The following RGR variants were observed in gnomAD, a reference collection of about 807,000 sequenced individuals.
RGR encodes RPE-retinal G protein-coupled receptor.
Under a neutral mutation model 28.6 loss-of-function variants are expected in RGR, and 30 were observed. The observed-to-expected ratio is 1.05, with a 90% CI of 0.78 to 1.42. The LOEUF is 1.42. Ranked by LOEUF, RGR falls within the 40% of genes most tolerant of loss-of-function variation. The probability of loss-of-function intolerance (pLI) is 0.00; values close to 1 mark genes in which losing one functional copy is unlikely to be tolerated. For missense variants in RGR, 404 were observed against 375.6 expected (o/e 1.08, Z -0.62); for synonymous variants, 180 against 156.4 (o/e 1.15, Z -1.13).
chr10:84,247,995 CTG>C lies in RGR; in HGVS notation c.236+250_236+251del, dbSNP rs145995634. The C allele has an allele frequency of 3.3e-3, 2,144 of 649,520 alleles. 6 individuals are homozygous for C. The highest frequency in any genetic ancestry group is 4.9e-3 in the Non-Finnish European group (1,909 of 390,030). 40.2% of individuals were successfully genotyped at this position (649,520 alleles called of 1,614,324 possible). On this transcript the variant is annotated intron_variant, in intron 2 of 6. Transcript: ENST00000652092. ...GCTGTAGAGATCAATGGTGTGGGTT[CTG>C]TAACCAAGCAACCTAGGTTTGCATT...
Position 84,245,120 on chromosome 10 carries a change from C to T in RGR, c.30C>T (p.Gly10=). The change falls in exon 1 of 7, where the codon GGC becomes GGT. Residue 10 remains glycine (G), a synonymous_variant. Transcript: ENST00000652092. MAETSALPT[G]FGELEVLAVG... Reference sequence around the variant, plus strand: ...CAGAGACCAGTGCCCTGCCCACTGGCTTCGGGGAGCTCGAGGTGCTGGCTG... The same window carrying T: ...CAGAGACCAGTGCCCTGCCCACTGGTTTCGGGGAGCTCGAGGTGCTGGCTG... 3.1e-6 allele frequency: 5 copies of T among 1,613,496 alleles called. No individual in the cohort carries two copies. The highest frequency in any genetic ancestry group is 3.4e-6 in the Non-Finnish European group (4 of 1,179,872).
chr10:84,253,475 GGACAGAATGCAT>G (rs1307985026), intron 4 of RGR, among the ~76,000 whole-genome samples: 1 of 152,178 alleles, frequency 6.6e-6, no homozygotes, highest in East Asian at 1.9e-4. Context: ...TGGAGAAATA[GGACAGAATGCAT>G]GAGGGTCCCC....
intron 3 of RGR, among the ~76,000 whole-genome samples, chr10:84,252,220 T>C (rs1333552968): frequency 6.6e-6 from 1 of 152,148 alleles, no homozygotes; most frequent in Admixed American, 6.5e-5. Context: ...GGCACTGAGA[T>C]TGAGCCCCAA....
At chr10:84,248,426 C>G (rs1037925058) in intron 2 of RGR, 18 of 232,220 alleles carry the variant, frequency 7.8e-5, no homozygotes, top group African/African-American at 4.1e-4. Context: ...CTGGAGCCCC[C>G]CCGGATGTGC....
intron 1 of RGR, among the ~76,000 whole-genome samples, 197 bp from the exon 2 acceptor site, chr10:84,247,394 C>T (rs1344236145): frequency 6.6e-6 from 1 of 152,128 alleles, no homozygotes; most frequent in Non-Finnish European, 1.5e-5. Context: ...AAGTGCTTAT[C>T]CTGGTGCCTG....
At chr10:84,254,267 T>TA (rs1842854402) in intron 4 of RGR, 59 bp from the exon 5 acceptor site, 68 of 1,450,234 alleles carry the variant, frequency 4.7e-5, no homozygotes, top group Non-Finnish European at 5.9e-5. Flanking sequence ...GGTGGGTCCT[T>TA]GAGGGCAGCT....
At chr10:84,257,733 G>A (rs1054199095) in intron 5 of RGR, among the ~76,000 whole-genome samples, 160 bp from the exon 6 acceptor site, 2 of 152,170 alleles carry the variant, frequency 1.3e-5, no homozygotes, top group East Asian at 1.9e-4. Context: ...AAACAACAGA[G>A]AGGCCCATCT....
chr10:84,246,866 A>G (rs976715493), intron 1 of RGR, among the ~76,000 whole-genome samples: 6 of 152,162 alleles, frequency 3.9e-5, no homozygotes, highest in African/African-American at 7.2e-5. Flanking sequence ...TGACTTTTTA[A>G]TGATGGTCAT....
intron 1 of RGR, 118 bp from the exon 2 acceptor site, chr10:84,247,473 T>G: frequency 1.6e-6 from 2 of 1,212,470 alleles, no homozygotes; most frequent in African/African-American, 1.5e-5. Context: ...CTACCCTATA[T>G]TGATTGTCTT....
In RGR at chr10:84,258,826, C is replaced by G; in HGVS notation, c.*187C>G. The G allele has an allele frequency of 1.3e-6, 1 of 763,044 alleles. No individual in the cohort carries two copies. Among genetic ancestry groups the G allele is most frequent in the Non-Finnish European group, 2.2e-6 (1 of 460,360 alleles). 47.3% of individuals were successfully genotyped at this position (763,044 alleles called of 1,614,324 possible). A position where few individuals can be genotyped will look rare whatever the true frequency, so the allele number is the denominator to read the frequency against. On this transcript the variant is annotated 3_prime_UTR_variant, in exon 7 of 7. Transcript: ENST00000652092. Reference sequence around the variant, plus strand: ...GAAAGAGCCAGATGGACCTGAGTGTCGGTCACAGCCCCCTACACTCAAGGC... The same window carrying G: ...GAAAGAGCCAGATGGACCTGAGTGTGGGTCACAGCCCCCTACACTCAAGGC...
At chr10:84,249,611 G>A (rs1842790910) in intron 3 of RGR, among the ~76,000 whole-genome samples, 1 of 152,164 alleles carries the variant, frequency 6.6e-6, no homozygotes, top group African/African-American at 2.4e-5. Flanking sequence ...GTACCCGGCT[G>A]AGATGATTTT....
chr10:84,254,523 G>A (rs1842860279), intron 5 of RGR, 80 bp downstream of exon 5: 1 of 1,155,018 alleles, frequency 8.7e-7, no homozygotes, highest in African/African-American at 1.5e-5. Context: ...AGAATTGGAT[G>A]TGACACACAC....
chr10:84,258,881 T>A lies in RGR; in HGVS notation c.*242T>A. 1.9e-6 allele frequency: 1 copy of A among 531,788 alleles called. No homozygotes were observed. The highest frequency in any genetic ancestry group is 3.4e-6 in the Non-Finnish European group (1 of 295,588). 32.9% of individuals were successfully genotyped at this position (531,788 alleles called of 1,614,324 possible). A position where few individuals can be genotyped will look rare whatever the true frequency, so the allele number is the denominator to read the frequency against. On this transcript the variant is annotated 3_prime_UTR_variant, in exon 7 of 7. Coordinates refer to ENST00000652092, the MANE Select transcript of RGR (RefSeq NM_001012720.2). ...AGGCCTCAGGAAAGTCATTCCTTTT[T>A]AAAAATAATAATAAATGTAAGGGGG...
chr10:84,257,822 G>C lies in RGR; in HGVS notation c.631-71G>C, dbSNP rs952614370. On this transcript the variant is annotated intron_variant, in intron 5 of 6. Transcript: ENST00000652092. ...CCCCGCCCTGCTGAGTGCTGACCTG[G>C]TTTTCTTGGCCACATAGGGCTGTGG... The C allele has an allele frequency of 5.1e-6, 7 of 1,364,314 alleles. No homozygotes were observed. In the Admixed American group the frequency reaches 1.2e-4, roughly 23 times the overall value. 84.5% of individuals were successfully genotyped at this position (1,364,314 alleles called of 1,614,324 possible).
At chr10:84,247,784 C>T (rs1842766405) in intron 2 of RGR, 37 bp downstream of exon 2, 3 of 1,613,348 alleles carry the variant, frequency 1.9e-6, no homozygotes, top group South Asian at 2.2e-5. Context: ...GCTCTGGGGT[C>T]CTGCCTGGGG....
intron 3 of RGR, among the ~76,000 whole-genome samples, chr10:84,251,419 G>A (rs1347108412): frequency 6.6e-6 from 1 of 152,172 alleles, no homozygotes; most frequent in Non-Finnish European, 1.5e-5. Context: ...CAGTTATTCA[G>A]GCTGGGAAGT....
Position 84,258,791 on chromosome 10 carries a change from A to G in RGR, c.*152A>G. The G allele has an allele frequency of 3.5e-6, 4 of 1,153,892 alleles. No homozygotes were observed. The highest frequency in any genetic ancestry group is 5.0e-6 in the Non-Finnish European group (4 of 802,526). 71.5% of individuals were successfully genotyped at this position (1,153,892 alleles called of 1,614,324 possible). A position where few individuals can be genotyped will look rare whatever the true frequency, so the allele number is the denominator to read the frequency against. On this transcript the variant is annotated 3_prime_UTR_variant, in exon 7 of 7. Transcript: ENST00000652092. Reference sequence around the variant, plus strand: ...TGGACACAGGATTCAGAAAGACACCAGGCTGCACAGAAAGAGCCAGATGGA... The same window carrying G: ...TGGACACAGGATTCAGAAAGACACCGGGCTGCACAGAAAGAGCCAGATGGA...
intron 2 of RGR, 80 bp downstream of exon 2, chr10:84,247,827 G>A: frequency 6.2e-7 from 1 of 1,605,462 alleles, no homozygotes. Context: ...GCCAGGCCAA[G>A]GGCATTTTTA....
Position 84,258,735 on chromosome 10 carries a change from C to T in RGR, c.*96C>T, listed in dbSNP as rs1564552763. 1 of 1,558,702 alleles carries T rather than the reference C, an allele frequency of 6.4e-7. No homozygotes were observed. The highest frequency in any genetic ancestry group is 8.7e-7 in the Non-Finnish European group (1 of 1,143,080). Reference sequence around the variant, plus strand: ...CAAGCCCAGACACTCACCCACCTTCCCCAGTGGCCCCGTGGATCCTGGTCC... The same window carrying T: ...CAAGCCCAGACACTCACCCACCTTCTCCAGTGGCCCCGTGGATCCTGGTCC... On this transcript the variant is annotated 3_prime_UTR_variant, in exon 7 of 7. Transcript: ENST00000652092.
Sources: gnomAD v4.1 joint callset for allele counts (sites outside exome capture counted in the v4.1 genomes callset) on GRCh38, gnomAD v4.1.1 for gene constraint, MANE v1.5 for transcripts, NCBI Gene and HGNC (gene_info 2026-07-23, HGNC 2026-07-21) for gene names.